Variants in WASHC3 observed in about 807,000 individuals in gnomAD.
WASHC3 encodes the protein WASH complex subunit CCDC53.
WASHC3 carries 24 observed loss-of-function variants against 26.1 expected under a neutral mutation model. The observed-to-expected ratio is 0.92, with a 90% CI of 0.66 to 1.29. The LOEUF is 1.29. WASHC3 is among the 50% of genes most tolerant of loss of function. The pLI is 0.00. For missense variants in WASHC3, 214 were observed against 229.6 expected (o/e 0.93, Z 0.44); for synonymous variants, 77 against 75.7 (o/e 1.02, Z -0.09).
At chr12:102,020,389 C>T (rs1229633872) in intron 6 of WASHC3, among the ~76,000 whole-genome samples, 1 of 152,148 alleles carries the variant, frequency 6.6e-6, no homozygotes, top group Non-Finnish European at 1.5e-5. Flanking sequence ...TCCATAACTT[C>T]CCTTCTTATA....
rs570573828 is a variant in WASHC3 at position 102,012,908 on chromosome 12, T to C, written c.*200A>G. On this transcript the variant is annotated 3_prime_UTR_variant, in exon 7 of 7. Transcript: ENST00000240079. ...TTTATTTAGGTTATCCTATTTTTCATTTTGAGGCCCTTTATTTTAGCAACA... is the reference window on the plus strand; with the variant it reads ...TTTATTTAGGTTATCCTATTTTTCACTTTGAGGCCCTTTATTTTAGCAACA... The C allele has an allele frequency of 1.0e-4, 46 of 438,206 alleles. No individual in the cohort carries two copies. The South Asian group carries it at 1.7e-3, about 16-fold the overall frequency. 27.1% of individuals were successfully genotyped at this position (438,206 alleles called of 1,614,324 possible). A position where few individuals can be genotyped will look rare whatever the true frequency, so the allele number is the denominator to read the frequency against.
intron 5 of WASHC3, 115 bp from the exon 6 acceptor site, chr12:102,026,153 C>T (rs756945104): frequency 6.5e-6 from 4 of 616,238 alleles, no homozygotes; most frequent in South Asian, 2.1e-5. Context: ...TCTTATTCTA[C>T]TTTAAAATTA....
intron 2 of WASHC3, chr12:102,050,653 G>C (rs1432646783): frequency 2.4e-6 from 1 of 412,802 alleles, no homozygotes; most frequent in African/African-American, 2.1e-5. Context: ...GGGGGGAAAA[G>C]AAAAGAAAAA....
chr12:102,051,207 T>C (rs1378589471), intron 2 of WASHC3, among the ~76,000 whole-genome samples: 1 of 152,252 alleles, frequency 6.6e-6, no homozygotes, highest in Non-Finnish European at 1.5e-5. Flanking sequence ...TCAAACCAGA[T>C]CCTGTCGGGG....
At chr12:102,032,621 G>T (rs761049297) in intron 5 of WASHC3, among the ~76,000 whole-genome samples, 2 of 152,112 alleles carry the variant, frequency 1.3e-5, no homozygotes, top group African/African-American at 4.8e-5. Context: ...AATGCCAGCA[G>T]GTGTTCCAGG....
intron 6 of WASHC3, among the ~76,000 whole-genome samples, chr12:102,013,787 A>G (rs1006039040): frequency 1.3e-5 from 2 of 152,226 alleles, no homozygotes; most frequent in Admixed American, 6.5e-5. Flanking sequence ...ATGAGTTGGC[A>G]AAAATACTGT....
rs755388833 is a variant in WASHC3 at position 102,039,950 on chromosome 12, T to C, written c.353A>G (p.Gln118Arg). Residue 118 changes from glutamine (Q) to arginine (R), a missense_variant, in exon 5 of 7, where the codon CAG becomes CGG. Transcript: ENST00000240079. ...ATTTTCTGCTGATACTTCACTTTCC[T>C]GTAGTCCAGAGTCTTGTGTACTGTT... ...QQNSTQDSGL[Q>R]ESEVSAENIL... 2.6e-5 allele frequency: 41 copies of C among 1,598,766 alleles called. 1 individual carries two copies. Among genetic ancestry groups the C allele is most frequent in the South Asian group, 2.2e-4 (20 of 90,636 alleles).
chr12:102,056,365 T>C (rs73184000), intron 2 of WASHC3, among the ~76,000 whole-genome samples: 5,972 of 152,278 alleles, frequency 0.039, 166 homozygotes, highest in African/African-American at 0.071. Flanking sequence ...CTGGAGACCA[T>C]TGCAGTGATT....
chr12:102,033,391 A>C (rs1202313943), intron 5 of WASHC3, among the ~76,000 whole-genome samples: 1 of 152,178 alleles, frequency 6.6e-6, no homozygotes, highest in Non-Finnish European at 1.5e-5. Context: ...TCTAAACAAT[A>C]ATTAAAATAG....
intron 2 of WASHC3, among the ~76,000 whole-genome samples, chr12:102,054,264 A>C (rs909015420): frequency 1.2e-4 from 19 of 152,244 alleles, no homozygotes; most frequent in Admixed American, 6.5e-5. Context: ...AAATGGACTA[A>C]ATTCTCTGAT....
intron 6 of WASHC3, 100 bp from the exon 7 acceptor site, chr12:102,013,292 A>T: frequency 3.1e-6 from 2 of 652,468 alleles, no homozygotes; most frequent in South Asian, 3.5e-5. Flanking sequence ...GCTGCTAATA[A>T]ATCTGCCAAG....
intron 2 of WASHC3, among the ~76,000 whole-genome samples, chr12:102,056,139 A>C (rs925852230): frequency 1.3e-4 from 20 of 152,286 alleles, no homozygotes; most frequent in Admixed American, 1.0e-3. Flanking sequence ...GATTCTAAAG[A>C]TTGTAAGTTT....
chr12:102,032,416 T>C (rs112900608), intron 5 of WASHC3, among the ~76,000 whole-genome samples: 19 of 152,140 alleles, frequency 1.2e-4, no homozygotes, highest in African/African-American at 4.1e-4. Context: ...AAGGGGAGAA[T>C]TGTTGGAAAA....
intron 2 of WASHC3, among the ~76,000 whole-genome samples, chr12:102,047,711 TTTGA>T (rs1878220775): frequency 6.6e-6 from 1 of 152,170 alleles, no homozygotes; most frequent in South Asian, 2.1e-4. Flanking sequence ...GACATATTGG[TTTGA>T]TTGAAGGAAA....
rs142421636 is a variant in WASHC3 at position 102,012,873 on chromosome 12, C to G, written c.*235G>C. 207 of 353,238 alleles carry G rather than the reference C, an allele frequency of 5.9e-4. 3 individuals are homozygous for G. Among genetic ancestry groups the G allele is most frequent in the African/African-American group, 3.5e-3 (161 of 46,280 alleles). 21.9% of individuals were successfully genotyped at this position (353,238 alleles called of 1,614,324 possible). A position where few individuals can be genotyped will look rare whatever the true frequency, so the allele number is the denominator to read the frequency against. On this transcript the variant is annotated 3_prime_UTR_variant, in exon 7 of 7. Coordinates refer to ENST00000240079, the MANE Select transcript of WASHC3 (RefSeq NM_016053.4). ...ATATTCTATCTTAGTATTTGTAGCA[C>G]TAATTGTACTTTATTTAGGTTATCC...
intron 5 of WASHC3, among the ~76,000 whole-genome samples, chr12:102,036,021 A>G (rs947450019): frequency 6.6e-6 from 1 of 152,224 alleles, no homozygotes; most frequent in African/African-American, 2.4e-5. Context: ...AAGGAAAAGC[A>G]TGGAGCTTAT....
chr12:102,024,247 C>T (rs753676969), intron 6 of WASHC3, among the ~76,000 whole-genome samples: 11 of 152,090 alleles, frequency 7.2e-5, no homozygotes, highest in Non-Finnish European at 1.2e-4. Context: ...TTAGACTACA[C>T]GTTGAAGGCA....
At chr12:102,049,334 C>T (rs192844299) in intron 2 of WASHC3, among the ~76,000 whole-genome samples, 2 of 152,310 alleles carry the variant, frequency 1.3e-5, no homozygotes, top group East Asian at 1.9e-4. Flanking sequence ...GTAACATAAT[C>T]GGTGACAGTA....
At chr12:102,041,067 T>C (rs932425711) in intron 4 of WASHC3, among the ~76,000 whole-genome samples, 1 of 151,852 alleles carries the variant, frequency 6.6e-6, no homozygotes, top group Non-Finnish European at 1.5e-5. Context: ...AGGTTTCTTC[T>C]GTTACATGAT....
Sources: gnomAD v4.1 joint callset for allele counts (sites outside exome capture counted in the v4.1 genomes callset) on GRCh38, gnomAD v4.1.1 for gene constraint, MANE v1.5 for transcripts, NCBI Gene and HGNC (gene_info 2026-07-23, HGNC 2026-07-21) for gene names.